Variants in SLC5A2 observed in about 807,000 individuals in gnomAD.
The protein encoded by SLC5A2 is solute carrier family 5 member 2, also known as sodium/glucose cotransporter 2.
Under a neutral mutation model 69.0 loss-of-function variants are expected in SLC5A2, and 67 were observed. The observed-to-expected ratio is 0.97, with a 90% CI of 0.80 to 1.19. The LOEUF (loss-of-function observed/expected upper bound fraction) is 1.19. Ranked by LOEUF, SLC5A2 falls within the 50% of genes most tolerant of loss-of-function variation. SLC5A2 has a pLI of 0.00. For missense variants in SLC5A2, 1,001 were observed against 921.5 expected (o/e 1.09, Z -1.12); for synonymous variants, 455 against 395.8 (o/e 1.15, Z -1.78).
At chr16:31,488,253 G>A in intron 8 of SLC5A2, 80 bp downstream of exon 8, 1 of 1,610,628 alleles carries the variant, frequency 6.2e-7, no homozygotes, top group African/African-American at 1.3e-5. Context: ...CTAAGACTCG[G>A]CAGTTTGGGC....
At chr16:31,485,564 G>A (rs1389667736) in intron 3 of SLC5A2, 165 bp from the exon 4 acceptor site, 1 of 755,070 alleles carries the variant, frequency 1.3e-6, no homozygotes, top group Non-Finnish European at 2.2e-6. Flanking sequence ...TGTCAGCTCT[G>A]TTCCTTGGTG....
chr16:31,487,236 C>A, intron 5 of SLC5A2, 84 bp from the exon 6 acceptor site: 1 of 1,318,600 alleles, frequency 7.6e-7, no homozygotes, highest in South Asian at 1.2e-5. Flanking sequence ...GGAACTCTTT[C>A]AAATTCCCAC....
Position 31,488,025 on chromosome 16 carries a change from GC to G in SLC5A2, c.886-9del. On this transcript the variant is annotated splice_polypyrimidine_tract_variant and intron_variant, in intron 7 of 13. Transcript: ENST00000330498. Reference sequence around the variant, plus strand: ...GAGGCCCGCAAGCGGGCAGCTGAACGCCCCTCCCGTAGGTCATCGTGCAGCG... The same window carrying G: ...GAGGCCCGCAAGCGGGCAGCTGAACGCCCTCCCGTAGGTCATCGTGCAGCG... 6.2e-7 allele frequency: 1 copy of G among 1,612,224 alleles called. No individual in the cohort carries two copies.
chr16:31,489,200 C>A lies in SLC5A2; in HGVS notation c.1527C>A (p.Gly509=), dbSNP rs760573611. The A allele has an allele frequency of 1.9e-6, 3 of 1,610,196 alleles. No individual in the cohort carries two copies. Among genetic ancestry groups the A allele is most frequent in the Non-Finnish European group, 1.7e-6 (2 of 1,180,010 alleles). The change falls in exon 12 of 14, where the codon GGC becomes GGA. Residue 509 remains glycine (G), a synonymous_variant. Coordinates refer to ENST00000330498, the MANE Select transcript of SLC5A2 (RefSeq NM_003041.4). ...RLIPEFSFGS[G]SCVQPSACPA... ...TTCCCGAGTTCTCCTTCGGCTCGGGCAGCTGTGTGCAGCCCTCGGCGTGCC... is the reference window on the plus strand; with the variant it reads ...TTCCCGAGTTCTCCTTCGGCTCGGGAAGCTGTGTGCAGCCCTCGGCGTGCC...
chr16:31,489,411 T>A (rs1292688365), intron 12 of SLC5A2, 73 bp downstream of exon 12: 48 of 1,361,818 alleles, frequency 3.5e-5, no homozygotes, highest in Non-Finnish European at 4.6e-5. Context: ...AGTGCCCAGC[T>A]GGGAGGACCT....
chr16:31,490,016 G>C (rs2082547445), intron 12 of SLC5A2, 88 bp from the exon 13 acceptor site: 2 of 1,562,920 alleles, frequency 1.3e-6, no homozygotes, highest in South Asian at 1.1e-5. Flanking sequence ...GGGTAGGGCA[G>C]GCAGTGACGA....
chr16:31,489,009 C>A lies in SLC5A2; in HGVS notation c.1410C>A (p.Val470=). The part of the protein sequence containing the change: ...SSYLAPPVSA[V]FVLALFVPRV... ...ACCTGGCACCGCCCGTGTCCGCCGT[C>A]TTCGTGCTGGCGCTCTTCGTGCCGC... The change falls in exon 11 of 14, where the codon GTC becomes GTA. Residue 470 remains valine, a synonymous_variant. Coordinates refer to ENST00000330498, the MANE Select transcript of SLC5A2 (RefSeq NM_003041.4). The A allele has an allele frequency of 6.2e-7, 1 of 1,600,604 alleles. No individual in the cohort carries two copies.
chr16:31,484,637 C>G, intron 1 of SLC5A2, 36 bp from the exon 2 acceptor site: 2 of 1,596,156 alleles, frequency 1.3e-6, no homozygotes, highest in Non-Finnish European at 1.7e-6. Flanking sequence ...CAAGGCTGTG[C>G]CCTAAACCCA....
Position 31,484,751 on chromosome 16 carries a change from C to G in SLC5A2, c.198+7C>G, listed in dbSNP as rs772585258. 1 of 1,610,542 alleles carries G rather than the reference C, an allele frequency of 6.2e-7. No homozygotes were observed. Among genetic ancestry groups the G allele is most frequent in the Admixed American group, 1.7e-5 (1 of 60,022 alleles). On this transcript the variant is annotated splice_region_variant and intron_variant, in intron 2 of 13. Coordinates refer to ENST00000330498, the MANE Select transcript of SLC5A2 (RefSeq NM_003041.4). ...CAGCATGGTGTGGTGGCCGGTGAGA[C>G]GGGCTGGGCCGGGAACGGGAGGGGC...
In SLC5A2 at chr16:31,490,213, G is replaced by C. The variant is rs760115223; in HGVS notation, c.1775G>C (p.Ser592Thr). The C allele has an allele frequency of 1.9e-6, 3 of 1,614,090 alleles. No individual in the cohort carries two copies. In the African/African-American group the frequency reaches 4.0e-5, roughly 22 times the overall value. Residue 592 changes from serine to threonine, a missense_variant, in exon 13 of 14, where the codon AGT becomes ACT. Physicochemically the swap from Ser to Thr is moderately conservative, Grantham distance 58 (BLOSUM62 1). Coordinates refer to ENST00000330498, the MANE Select transcript of SLC5A2 (RefSeq NM_003041.4). ...SLPVQNGCPE[S>T]AMEMNEPQAP... ...CCTGTACAGAATGGGTGCCCAGAGA[G>C]TGCCATGGAGATGAATGGTAGGGCA...
At chr16:31,483,952 G>C (rs887857346) in intron 1 of SLC5A2, among the ~76,000 whole-genome samples, 1 of 152,016 alleles carries the variant, frequency 6.6e-6, no homozygotes, top group East Asian at 1.9e-4. Context: ...GTCAGGCATG[G>C]TGGTGTGTGT....
intron 3 of SLC5A2, 153 bp downstream of exon 3, chr16:31,485,076 T>C (rs2082485359): frequency 1.3e-6 from 1 of 769,622 alleles, no homozygotes. Context: ...GTCATACATC[T>C]AGCCAGGAAG....
Position 31,487,744 on chromosome 16 carries a change from C to T in SLC5A2, c.870C>T (p.Tyr290=). 6.2e-7 allele frequency: 1 copy of T among 1,610,288 alleles called. No homozygotes were observed. The highest frequency in any genetic ancestry group is 8.5e-7 in the Non-Finnish European group (1 of 1,179,224). ...LLGLTIVSGW[Y]WCSDQVIVQR... ...GACTCACAATCGTCTCGGGCTGGTA[C>T]TGGTGCAGCGACCAGGTGCGGGTAT... Residue 290 remains tyrosine, a synonymous_variant, in exon 7 of 14, where the codon TAC becomes TAT. Transcript: ENST00000330498.
At position 31,483,237 on chromosome 16, in the gene SLC5A2, T is replaced by A. The variant is rs749287673; in HGVS notation, c.101T>A (p.Leu34Gln). ...ADILVIAAYF[L>Q]LVIGVGLWSM... ...ATCCTAGTCATTGCTGCATATTTCC[T>A]GCTGGTCATTGGCGTTGGCTTGTGG... The change falls in exon 1 of 14, where the codon CTG becomes CAG. Residue 34 changes from leucine (L) to glutamine (Q), a missense_variant. Physicochemically the swap from Leu to Gln is moderately radical, Grantham distance 113. Transcript: ENST00000330498. 5.6e-6 allele frequency: 9 copies of A among 1,613,720 alleles called. No homozygotes were observed. The East Asian group carries it at 2.0e-4, about 36-fold the overall frequency.
intron 12 of SLC5A2, chr16:31,489,603 AG>A (rs1161190765): frequency 8.7e-6 from 5 of 576,804 alleles, no homozygotes; most frequent in Non-Finnish European, 1.2e-5. Flanking sequence ...CTCAAAACAC[AG>A]GATCTGACTG....
At position 31,486,276 on chromosome 16, in the gene SLC5A2, G is replaced by A. The variant is rs760221493; in HGVS notation, c.574+1G>A. The A allele has an allele frequency of 1.2e-6, 2 of 1,609,692 alleles. No individual in the cohort carries two copies. Among genetic ancestry groups the A allele is most frequent in the South Asian group, 1.1e-5 (1 of 90,962 alleles). ...ATCACCATGATTTACACGGTGACAG[G>A]TGCCAGCAGGGGCTTAGGAAAGGGA... On this transcript the variant is annotated splice_donor_variant, in intron 5 of 13. Coordinates refer to ENST00000330498, the MANE Select transcript of SLC5A2 (RefSeq NM_003041.4). LOFTEE classifies it high-confidence loss of function.
rs769903877 is a variant in SLC5A2, at chr16:31,483,214, C to T, written c.78C>T (p.Ile26=). ...CCCTGATTGACAATCCTGCTGACAT[C>T]CTAGTCATTGCTGCATATTTCCTGC... is the stretch of plus-strand genomic sequence containing the variant. ...QKALIDNPAD[I]LVIAAYFLLV... The change falls in exon 1 of 14, where the codon ATC becomes ATT. Residue 26 remains isoleucine, a synonymous_variant. Transcript: ENST00000330498. 2 of 1,614,068 alleles carry T rather than the reference C, an allele frequency of 1.2e-6. No homozygotes were observed. Among genetic ancestry groups the T allele is most frequent in the Non-Finnish European group, 1.7e-6 (2 of 1,180,022 alleles).
At chr16:31,488,844 C>T (rs766941534) in intron 10 of SLC5A2, 36 bp from the exon 11 acceptor site, 7 of 1,602,292 alleles carry the variant, frequency 4.4e-6, no homozygotes, top group Non-Finnish European at 5.1e-6. Context: ...CAGGGGAGCC[C>T]AGGGTCCGGG....
chr16:31,489,727 G>C, intron 12 of SLC5A2: 1 of 447,850 alleles, frequency 2.2e-6, no homozygotes, highest in Non-Finnish European at 4.1e-6. Context: ...CAGGACAAGA[G>C]ATCTGGGTGT....
Sources: gnomAD v4.1 joint callset for allele counts (sites outside exome capture counted in the v4.1 genomes callset) on GRCh38, gnomAD v4.1.1 for gene constraint, MANE v1.5 for transcripts, NCBI Gene and HGNC (gene_info 2026-07-23, HGNC 2026-07-21) for gene names.